Variants in CDH18 observed in about 807,000 individuals in gnomAD.
The protein encoded by CDH18 is cadherin 18.
A neutral mutation model predicts 67.9 loss-of-function variants in CDH18; 31 were observed. That is an observed-to-expected ratio of 0.46 (90% CI 0.34 to 0.62). The LOEUF is 0.62. CDH18 is among the 20% of genes least tolerant of loss of function. The pLI, the probability that CDH18 is intolerant of heterozygous loss-of-function variation, is 0.01. For missense variants in CDH18, 890 were observed against 975.5 expected, an observed-to-expected ratio of 0.91 and a Z score of 1.17; for synonymous variants, 362 against 347.2, an observed-to-expected ratio of 1.04 and a Z score of -0.48.
chr5:19,628,763 A>G (rs1720067141), intron 5 of CDH18, among the ~76,000 whole-genome samples: 1 of 152,106 alleles, frequency 6.6e-6, no homozygotes, highest in Non-Finnish European at 1.5e-5. Context: ...CTAAAATAGT[A>G]ATATAAATAT....
At chr5:20,486,817 CT>C (rs776639969) in intron 1 of CDH18, among the ~76,000 whole-genome samples, 4 of 151,498 alleles carry the variant, frequency 2.6e-5, no homozygotes, top group Middle Eastern at 3.2e-3. Flanking sequence ...TTTTCTATTT[CT>C]TTTATGTTAA....
In CDH18 at chr5:19,722,387, A is replaced by T. The variant is rs190710898; in HGVS notation, c.524-921T>A. 1.9e-3 allele frequency among the ~76,000 whole-genome samples: 288 copies of T among 151,856 alleles called. 1 individual carries two copies. The highest frequency in any genetic ancestry group is 0.01 in the Middle Eastern group (3 of 294). On this transcript the variant is annotated intron_variant, in intron 4 of 12. Coordinates refer to ENST00000382275, the MANE Select transcript of CDH18 (RefSeq NM_004934.5). ...TACTAAGTTCAAATCTCATTCCTTT[A>T]GTGTCTTATACACAGTGCCAACATC...
At chr5:20,548,349 G>T (rs1473690902) in intron 1 of CDH18, among the ~76,000 whole-genome samples, 1 of 151,716 alleles carries the variant, frequency 6.6e-6, no homozygotes, top group Non-Finnish European at 1.5e-5. Context: ...ACATTTTATT[G>T]TATGTGTATA....
At chr5:20,479,403 C>A (rs1042728710) in intron 1 of CDH18, among the ~76,000 whole-genome samples, 3 of 152,056 alleles carry the variant, frequency 2.0e-5, no homozygotes, top group African/African-American at 7.2e-5. Context: ...TACTGTCAGA[C>A]AAATTTACAA....
At chr5:19,865,673 C>T (rs1407542837) in intron 2 of CDH18, among the ~76,000 whole-genome samples, 1 of 152,032 alleles carries the variant, frequency 6.6e-6, no homozygotes, top group African/African-American at 2.4e-5. Flanking sequence ...CTTCTTTGCC[C>T]CTTTCAGGGG....
chr5:19,566,682 C>A (rs1024711403), intron 8 of CDH18, among the ~76,000 whole-genome samples: 1 of 152,084 alleles, frequency 6.6e-6, no homozygotes, highest in African/African-American at 2.4e-5. Flanking sequence ...TATCACAACA[C>A]GTGGGAATTA....
At chr5:20,549,723 G>A (rs928519362) in intron 1 of CDH18, among the ~76,000 whole-genome samples, 7 of 152,176 alleles carry the variant, frequency 4.6e-5, no homozygotes, top group South Asian at 2.1e-4. Context: ...GAAATAAACC[G>A]CTATAGTAAT....
At chr5:20,226,597 G>A (rs1741649059) in intron 2 of CDH18, among the ~76,000 whole-genome samples, 1 of 151,852 alleles carries the variant, frequency 6.6e-6, no homozygotes, top group Non-Finnish European at 1.5e-5. Context: ...CTGAATATAG[G>A]CACTCTCAAA....
At chr5:19,606,994 CA>C (rs1043437024) in intron 6 of CDH18, among the ~76,000 whole-genome samples, 3 of 151,336 alleles carry the variant, frequency 2.0e-5, no homozygotes, top group Admixed American at 2.0e-4. Context: ...TTTCAATGAA[CA>C]AAATGGTAAA....
At chr5:19,777,417 G>A (rs1219355403) in intron 3 of CDH18, among the ~76,000 whole-genome samples, 4 of 152,156 alleles carry the variant, frequency 2.6e-5, no homozygotes, top group Admixed American at 2.6e-4. Context: ...ATCCAGTTTG[G>A]GTAGGTTAGC....
At chr5:20,299,871 G>C (rs1580699139) in intron 1 of CDH18, among the ~76,000 whole-genome samples, 1 of 152,012 alleles carries the variant, frequency 6.6e-6, no homozygotes, top group East Asian at 1.9e-4. Flanking sequence ...AGTCAAGAAG[G>C]AAGCTGGGAC....
chr5:20,511,142 T>A (rs1755007568), intron 1 of CDH18, among the ~76,000 whole-genome samples: 1 of 152,106 alleles, frequency 6.6e-6, no homozygotes, highest in East Asian at 1.9e-4. Context: ...AACAATTTAG[T>A]TACATTAAAA....
chr5:19,886,400 C>A (rs1175389550), intron 2 of CDH18: 2 of 152,114 alleles, frequency 1.3e-5, no homozygotes, highest in African/African-American at 4.8e-5. Flanking sequence ...CAAAAAGAAT[C>A]AAAATCACAG....
chr5:19,555,730 T>C (rs1332656421), intron 8 of CDH18, among the ~76,000 whole-genome samples: 2 of 152,196 alleles, frequency 1.3e-5, no homozygotes, highest in African/African-American at 4.8e-5. Flanking sequence ...GGGAGCCGTA[T>C]GGCTCTGTTG....
intron 5 of CDH18, among the ~76,000 whole-genome samples, chr5:19,719,340 T>C (rs977449412): frequency 1.3e-5 from 2 of 152,016 alleles, no homozygotes; most frequent in Admixed American, 6.6e-5. Flanking sequence ...TGTGCATGCA[T>C]GTGTGTTAGT....
rs927312868 is a variant in CDH18 at position 19,951,304 on chromosome 5, T to C, written c.-257+29756A>G. Among the ~76,000 whole-genome samples the C allele has an allele frequency of 6.6e-5, 10 of 152,284 alleles. No homozygotes were observed. The East Asian group carries it at 1.9e-3, about 29-fold the overall frequency. On this transcript the variant is annotated intron_variant, in intron 2 of 12. Coordinates refer to ENST00000382275, the MANE Select transcript of CDH18 (RefSeq NM_004934.5). ...TATCTGTGGCATACTAAAACTTCAT[T>C]TTAAAAGTATATTTACAGTAGAAAT...
At chr5:20,216,014 A>T (rs889963463) in intron 2 of CDH18, among the ~76,000 whole-genome samples, 1 of 152,014 alleles carries the variant, frequency 6.6e-6, no homozygotes, top group African/African-American at 2.4e-5. Context: ...AAAGAAAGAT[A>T]ACTAATGGGT....
chr5:19,637,910 C>T (rs1753401914), intron 5 of CDH18, among the ~76,000 whole-genome samples: 2 of 152,192 alleles, frequency 1.3e-5, no homozygotes, highest in African/African-American at 4.8e-5. Context: ...TGAATAAAAT[C>T]TGTGTACCAT....
At chr5:19,772,608 T>G (rs183321966) in intron 3 of CDH18, among the ~76,000 whole-genome samples, 1 of 152,278 alleles carries the variant, frequency 6.6e-6, no homozygotes, top group Non-Finnish European at 1.5e-5. Flanking sequence ...ATGATACCAT[T>G]ATGTTGTTTT....
Sources: gnomAD v4.1 joint callset for allele counts (sites outside exome capture counted in the v4.1 genomes callset) on GRCh38, gnomAD v4.1.1 for gene constraint, MANE v1.5 for transcripts, NCBI Gene and HGNC (gene_info 2026-07-23, HGNC 2026-07-21) for gene names.